Variants in MLIP observed in about 807,000 individuals in gnomAD.
MLIP encodes the protein muscular LMNA-interacting protein.
Under a neutral mutation model 84.8 loss-of-function variants are expected in MLIP, and 79 were observed. That is an observed-to-expected ratio of 0.93 (90% confidence interval 0.78 to 1.12). The LOEUF is 1.12. Ranked by LOEUF, MLIP falls within the 50% of genes most tolerant of loss-of-function variation. The pLI is 0.00. For missense variants in MLIP, 1,257 were observed against 1,160.6 expected, an observed-to-expected ratio of 1.08 and a Z score of -1.21; for synonymous variants, 504 against 463.0, an observed-to-expected ratio of 1.09 and a Z score of -1.14.
At chr6:54,056,573 T>C (rs1190370669) in intron 1 of MLIP, among the ~76,000 whole-genome samples, 6 of 152,192 alleles carry the variant, frequency 3.9e-5, no homozygotes, top group African/African-American at 1.2e-4. Context: ...AGAATACTTT[T>C]ATATTTTCGT....
intron 12 of MLIP, among the ~76,000 whole-genome samples, chr6:54,242,972 T>G (rs1008629464): frequency 6.6e-6 from 1 of 152,182 alleles, no homozygotes; most frequent in African/African-American, 2.4e-5. Flanking sequence ...ATGTATTGAA[T>G]ATCTGTTAGG....
intron 13 of MLIP, 98 bp downstream of exon 13, chr6:54,257,459 T>C: frequency 4.4e-6 from 4 of 907,906 alleles, no homozygotes; most frequent in Non-Finnish European, 6.8e-6. Context: ...AATTGTGCTT[T>C]TATAACAAAA....
chr6:54,152,411 T>TA (rs1490859858), intron 5 of MLIP, among the ~76,000 whole-genome samples: 1 of 152,170 alleles, frequency 6.6e-6, no homozygotes, highest in Non-Finnish European at 1.5e-5. Context: ...TAATTGGACT[T>TA]ACAGTTCCAC....
rs76998735 is a variant in MLIP at position 54,096,554 on chromosome 6, T to G, written c.64-24893T>G. Among the ~76,000 whole-genome samples the G allele has an allele frequency of 1.4e-4, 22 of 152,246 alleles. No individual in the cohort carries two copies. In the East Asian group the frequency reaches 3.1e-3, roughly 21 times the overall value. On this transcript the variant is annotated intron_variant, in intron 1 of 12. Transcript: ENST00000274897. ...ACAGCTGGTGAAGCCTTGGCTACTT[T>G]GGCTGGATATGGGAAGCGCTTATGG...
intron 11 of MLIP, among the ~76,000 whole-genome samples, chr6:54,207,065 G>A (rs1779080852): frequency 6.6e-6 from 1 of 151,940 alleles, no homozygotes; most frequent in Admixed American, 6.6e-5. Flanking sequence ...GAGGAAAGCT[G>A]CAATTTCTTG....
intron 1 of MLIP, among the ~76,000 whole-genome samples, chr6:54,102,846 C>T (rs1768753968): frequency 6.6e-6 from 1 of 152,102 alleles, no homozygotes; most frequent in Non-Finnish European, 1.5e-5. Context: ...CTAAATAATT[C>T]ACTGTATAGT....
intron 9 of MLIP, among the ~76,000 whole-genome samples, chr6:54,182,062 C>T (rs955408202): frequency 1.3e-5 from 2 of 152,192 alleles, no homozygotes; most frequent in Non-Finnish European, 1.5e-5. Context: ...TGGCTCTGAG[C>T]TCAGTGCAGT....
At chr6:54,116,369 C>A (rs750608124) in intron 1 of MLIP, among the ~76,000 whole-genome samples, 13 of 152,078 alleles carry the variant, frequency 8.5e-5, no homozygotes, top group Non-Finnish European at 1.5e-4. Context: ...ATAAATTTGA[C>A]AAATCTTTAG....
intron 1 of MLIP, among the ~76,000 whole-genome samples, chr6:54,027,429 A>AT (rs1763882794): frequency 6.6e-6 from 1 of 150,646 alleles, no homozygotes; most frequent in East Asian, 2.0e-4. Flanking sequence ...ACATATATAC[A>AT]TAAAATCTGT....
intron 1 of MLIP, among the ~76,000 whole-genome samples, chr6:54,044,325 C>T (rs539096418): frequency 6.6e-6 from 1 of 152,280 alleles, no homozygotes; most frequent in African/African-American, 2.4e-5. Context: ...ACTGATGTGC[C>T]TTGAGTTGCC....
At chr6:54,083,456 AGCT>A in intron 1 of MLIP, 1 of 1,523,060 alleles carries the variant, frequency 6.6e-7, no homozygotes, top group South Asian at 1.2e-5. Flanking sequence ...TCATCTTTGC[AGCT>A]CATCAATATC....
chr6:54,140,663 A>C (rs1051619209), intron 4 of MLIP, among the ~76,000 whole-genome samples: 2 of 152,162 alleles, frequency 1.3e-5, no homozygotes, highest in African/African-American at 4.8e-5. Flanking sequence ...TCTTTAGGTA[A>C]AAATCAGAAA....
At chr6:54,192,747 C>T (rs570479278) in intron 10 of MLIP, among the ~76,000 whole-genome samples, 322 of 151,774 alleles carry the variant, frequency 2.1e-3, no homozygotes, top group African/African-American at 6.5e-3. Context: ...GGATGTATAA[C>T]GCATAAAAAC....
chr6:54,095,533 C>T (rs143410729), intron 1 of MLIP, among the ~76,000 whole-genome samples: 123 of 152,220 alleles, frequency 8.1e-4, no homozygotes, highest in African/African-American at 2.8e-3. Context: ...CCCTTCCAAT[C>T]CCTTTCTGAC....
chr6:54,216,137 TCA>T (rs1250638272), intron 11 of MLIP: 2 of 984,276 alleles, frequency 2.0e-6, no homozygotes, highest in East Asian at 1.1e-4. Flanking sequence ...AATGAAATAC[TCA>T]CTATCAAAGG....
At chr6:54,205,987 G>A (rs560555496) in intron 11 of MLIP, among the ~76,000 whole-genome samples, 10 of 152,192 alleles carry the variant, frequency 6.6e-5, no homozygotes, top group Admixed American at 2.0e-4. Flanking sequence ...TATTTTTATT[G>A]ATAACTAAAA....
At chr6:54,149,172 A>T (rs1372877268) in intron 5 of MLIP, 45 bp downstream of exon 5, 5 of 1,518,598 alleles carry the variant, frequency 3.3e-6, no homozygotes, top group Admixed American at 3.6e-5. Flanking sequence ...TTTTAATGTG[A>T]TTTTTAAAAT....
chr6:54,088,703 A>C (rs536006387), intron 1 of MLIP, among the ~76,000 whole-genome samples: 1 of 152,354 alleles, frequency 6.6e-6, no homozygotes. Context: ...TGGTAAGCAA[A>C]TCTCGCGGTT....
At chr6:54,078,087 T>C (rs556860173) in intron 1 of MLIP, among the ~76,000 whole-genome samples, 1 of 152,354 alleles carries the variant, frequency 6.6e-6, no homozygotes, top group African/African-American at 2.4e-5. Flanking sequence ...ATGTTTCAAC[T>C]GGCCCAATTT....
Sources: allele counts gnomAD v4.1 joint callset (sites outside exome capture counted in the v4.1 genomes callset), GRCh38; gene constraint gnomAD v4.1.1; transcripts MANE v1.5; gene names NCBI Gene and HGNC (gene_info 2026-07-23, HGNC 2026-07-21).